ASPM: variants seen among roughly 807,000 people sequenced by gnomAD.
The protein encoded by ASPM is assembly factor for spindle microtubules.
Under a neutral mutation model 366.4 loss-of-function variants are expected in ASPM, and 256 were observed. The observed-to-expected ratio is 0.70, with a 90% CI of 0.63 to 0.77. The LOEUF is 0.77. ASPM is among the 30% of genes least tolerant of loss of function. The pLI, the probability that ASPM is intolerant of heterozygous loss-of-function variation, is 0.00. For synonymous variants in ASPM, 1,414 were observed against 1,342.9 expected (o/e 1.05, Z -1.16); for missense variants, 4,146 against 4,090.4 (o/e 1.01, Z -0.37).
chr1:197,096,887 C>T (rs1656991405), intron 18 of ASPM, among the ~76,000 whole-genome samples: 2 of 151,640 alleles, frequency 1.3e-5, no homozygotes, highest in African/African-American at 4.8e-5. Context: ...GTTAAGATCT[C>T]TGTTTTATAA....
At chr1:197,139,638 A>G in intron 4 of ASPM, 129 bp downstream of exon 4, 1 of 812,956 alleles carries the variant, frequency 1.2e-6, no homozygotes, top group Non-Finnish European at 2.1e-6. Context: ...CTGTCATTTT[A>G]ATACACACTT....
chr1:197,122,890 C>T (rs1657961508), intron 13 of ASPM, among the ~76,000 whole-genome samples: 1 of 152,118 alleles, frequency 6.6e-6, no homozygotes, highest in Admixed American at 6.6e-5. Context: ...CTGTAATTTG[C>T]TATGGTAGTC....
intron 10 of ASPM, 23 bp from the exon 11 acceptor site, chr1:197,125,214 A>G (rs1658054421): frequency 1.2e-6 from 2 of 1,613,188 alleles, no homozygotes; most frequent in Non-Finnish European, 1.7e-6. Flanking sequence ...AAATGTTCAG[A>G]TGAAATTATC....
chr1:197,088,693 C>A (rs1481164637), intron 25 of ASPM, among the ~76,000 whole-genome samples: 1 of 151,916 alleles, frequency 6.6e-6, no homozygotes, highest in African/African-American at 2.4e-5. Flanking sequence ...AATTTAAAAC[C>A]TCTGAAAACA....
intron 25 of ASPM, 112 bp downstream of exon 25, chr1:197,089,818 T>C: frequency 1.9e-6 from 2 of 1,034,546 alleles, no homozygotes; most frequent in South Asian, 2.8e-5. Flanking sequence ...CTCTTGCACA[T>C]AAATGAATTT....
chr1:197,139,140 A>G lies in ASPM; in HGVS notation c.2026+627T>C, dbSNP rs191120174. ...AGTGCTGAGTGTAGGTTTTTCTTTTAGATTTTCCACATTGGTACAAAGAAG... is the reference window on the plus strand; with the variant it reads ...AGTGCTGAGTGTAGGTTTTTCTTTTGGATTTTCCACATTGGTACAAAGAAG... On this transcript the variant is annotated intron_variant, in intron 4 of 27. Transcript: ENST00000367409. 1.0e-4 allele frequency: 91 copies of G among 879,546 alleles called. No individual in the cohort carries two copies. The East Asian group carries it at 1.7e-3, about 17-fold the overall frequency. 54.5% of individuals were successfully genotyped at this position (879,546 alleles called of 1,614,324 possible). A position where few individuals can be genotyped will look rare whatever the true frequency, so the allele number is the denominator to read the frequency against.
In ASPM at chr1:197,101,898, C is replaced by T. The variant is rs111487086; in HGVS notation, c.7353G>A (p.Leu2451=). The part of the protein sequence containing the change: ...YRATICAKHK[L]YQFLHLRKAA... ...CCTTTCTTAAGTGCAAGAATTGGTA[C>T]AATTTATGTTTGGCACAAATGGTGG... Residue 2451 remains leucine, a synonymous_variant, in exon 18 of 28, where the codon TTG becomes TTA. Coordinates refer to ENST00000367409, the MANE Select transcript of ASPM (RefSeq NM_018136.5). 3,584 of 1,612,794 alleles carry T rather than the reference C, an allele frequency of 2.2e-3. 36 individuals are homozygous for T. In the African/African-American group the frequency reaches 0.029, roughly 13 times the overall value.
chr1:197,087,071 A>AC, intron 26 of ASPM, 99 bp from the exon 27 acceptor site: 1 of 1,173,946 alleles, frequency 8.5e-7, no homozygotes, highest in South Asian at 1.4e-5. Flanking sequence ...TATGCAGTAA[A>AC]CCTTTTTTTT....
intron 4 of ASPM, among the ~76,000 whole-genome samples, chr1:197,138,306 C>A (rs907056861): frequency 6.6e-6 from 1 of 152,064 alleles, no homozygotes; most frequent in Non-Finnish European, 1.5e-5. Context: ...GGAGTTCACA[C>A]CTTTTTATTT....
At chr1:197,090,482 ATT>A (rs1379129642) in intron 23 of ASPM, 94 bp from the exon 24 acceptor site, 2 of 1,035,842 alleles carry the variant, frequency 1.9e-6, no homozygotes, top group East Asian at 5.2e-5. Flanking sequence ...TTTTCAGTAA[ATT>A]TATTTGACAT....
intron 4 of ASPM, 72 bp from the exon 5 acceptor site, chr1:197,135,314 T>C: frequency 4.3e-6 from 6 of 1,406,686 alleles, no homozygotes; most frequent in South Asian, 2.3e-5. Context: ...GCAAAAGTCA[T>C]TTTTACTAGC....
chr1:197,090,834 T>C lies in ASPM; in HGVS notation c.9636+16A>G, dbSNP rs1001011460. 17 of 1,605,016 alleles carry C rather than the reference T, an allele frequency of 1.1e-5. No homozygotes were observed. The East Asian group carries it at 2.9e-4, about 27-fold the overall frequency. ...AAACTAAAGTTTTGAACTAAAACTA[T>C]ACAAGTTTCAATTACCTGAATTTTA... On this transcript the variant is annotated intron_variant, in intron 23 of 27. Transcript: ENST00000367409.
At chr1:197,126,436 T>A (rs1327863431) in intron 10 of ASPM, among the ~76,000 whole-genome samples, 1 of 68,544 alleles carries the variant, frequency 1.5e-5, no homozygotes, top group African/African-American at 5.4e-5. Flanking sequence ...TGAGACTCTG[T>A]CTCAAAAAAA....
intron 16 of ASPM, among the ~76,000 whole-genome samples, chr1:197,118,381 T>C (rs1448925645): frequency 6.6e-6 from 1 of 152,022 alleles, no homozygotes; most frequent in Non-Finnish European, 1.5e-5. Context: ...TGTTAGAGAA[T>C]TGTAACAATT....
rs545567176 is a variant in ASPM, at chr1:197,101,826, C to T, written c.7425G>A (p.Lys2475=). 3 of 1,612,822 alleles carry T rather than the reference C, an allele frequency of 1.9e-6. No individual in the cohort carries two copies. The highest frequency in any genetic ancestry group is 1.7e-5 in the Admixed American group (1 of 59,796). ...QSSYRRLMVK[K]KLQEMQRAAV... ...CAGCCCTTTGCATTTCTTGTAACTT[C>T]TTCTTTACCATCAGTCTTCTGTAAG... Residue 2475 remains lysine (K), a synonymous_variant, in exon 18 of 28, where the codon AAG becomes AAA. Transcript: ENST00000367409.
At chr1:197,085,305 T>C (rs1656553570) in intron 27 of ASPM, among the ~76,000 whole-genome samples, 1 of 152,168 alleles carries the variant, frequency 6.6e-6, no homozygotes, top group Admixed American at 6.6e-5. Context: ...GCTCCCTTTC[T>C]CTCCAAGATG....
At chr1:197,126,366 A>C (rs1358490524) in intron 10 of ASPM, among the ~76,000 whole-genome samples, 2 of 149,572 alleles carry the variant, frequency 1.3e-5, no homozygotes, top group Non-Finnish European at 3.0e-5. Context: ...GCTAGAACAC[A>C]GAGGCAGAGG....
At chr1:197,121,778 A>G (rs1433436894) in intron 16 of ASPM, 137 bp downstream of exon 16, 1 of 1,121,728 alleles carries the variant, frequency 8.9e-7, no homozygotes, top group South Asian at 1.4e-5. Flanking sequence ...CCCCAACCCA[A>G]AATACATATA....
intron 17 of ASPM, among the ~76,000 whole-genome samples, chr1:197,106,707 T>C (rs1571604187): frequency 6.6e-6 from 1 of 152,220 alleles, no homozygotes; most frequent in East Asian, 1.9e-4. Context: ...TAAAAATAAA[T>C]AGCTTTTACT....
Sources: gnomAD v4.1 joint callset for allele counts (sites outside exome capture counted in the v4.1 genomes callset) on GRCh38, gnomAD v4.1.1 for gene constraint, MANE v1.5 for transcripts, NCBI Gene and HGNC (gene_info 2026-07-23, HGNC 2026-07-21) for gene names.